Variants in AGBL3 observed in about 807,000 individuals in gnomAD.
AGBL3 encodes cytosolic carboxypeptidase 3.
AGBL3 carries 68 observed loss-of-function variants against 94.5 expected under a neutral mutation model. The observed-to-expected ratio is 0.72, with a 90% confidence interval of 0.59 to 0.88. The LOEUF (loss-of-function observed/expected upper bound fraction) is 0.88. Ranked by LOEUF, AGBL3 falls within the 40% of genes least tolerant of loss-of-function variation. The probability of loss-of-function intolerance (pLI) is 0.00; values close to 1 mark genes in which losing one functional copy is unlikely to be tolerated. For synonymous variants in AGBL3, 354 were observed against 370.7 expected (o/e 0.95, Z 0.52); for missense variants, 934 against 1,103.8 (o/e 0.85, Z 2.18).
rs151305185 is a variant in AGBL3 at position 135,117,938 on chromosome 7, C to T, written c.2342+2327C>T. ...GGAATTGGAATGAGAGATAGTGGAT[C>T]AGTCTTGCACATGAAACTGCTGTAG... On this transcript the variant is annotated intron_variant, in intron 16 of 16. Coordinates refer to ENST00000436302, the MANE Select transcript of AGBL3 (RefSeq NM_178563.4). Among the ~76,000 whole-genome samples the T allele has an allele frequency of 2.3e-3, 346 of 152,284 alleles. 1 individual carries two copies. The highest frequency in any genetic ancestry group is 7.6e-3 in the African/African-American group (317 of 41,562).
Position 135,032,859 on chromosome 7 carries a change from GT to G in AGBL3, c.438del (p.Phe146LeufsTer13). On this transcript the variant is annotated frameshift_variant, in exon 6 of 17. Coordinates refer to ENST00000436302, the MANE Select transcript of AGBL3 (RefSeq NM_178563.4). LOFTEE classifies it high-confidence loss of function. ...CTCTCATCAGCTTACAAAGAGCCCT[GT>G]TTTGTGTATTCCCGAGTTGGGGGTA... ...YLAEDAYKEP[C>X]FVYSRVGGNR... 1 of 1,549,204 alleles carries G rather than the reference GT, an allele frequency of 6.5e-7. No individual in the cohort carries two copies. Among genetic ancestry groups the G allele is most frequent in the East Asian group, 2.5e-5 (1 of 40,804 alleles).
intron 15 of AGBL3, 81 bp from the exon 16 acceptor site, chr7:135,115,299 T>G: frequency 2.2e-6 from 2 of 906,332 alleles, no homozygotes; most frequent in Non-Finnish European, 3.3e-6. Context: ...TTAGATAAAA[T>G]CCTTGGCATA....
At chr7:135,039,085 T>G (rs572585275) in intron 8 of AGBL3, among the ~76,000 whole-genome samples, 1 of 152,216 alleles carries the variant, frequency 6.6e-6, no homozygotes, top group Non-Finnish European at 1.5e-5. Context: ...TTGACATTTA[T>G]AGGACACTCT....
Position 134,993,501 on chromosome 7 carries a change from TTTG to T in AGBL3, c.134_136del (p.Phe45_Gly46delinsCys). ...TTGAATCTTTTTCTCAGCTGACTCT[TTTG>T]GTGATCCCTTCTTCCCCCGGACTAC... On this transcript the variant is annotated inframe_deletion, in exon 4 of 17. Transcript: ENST00000436302. 1 of 1,546,532 alleles carries T rather than the reference TTTG, an allele frequency of 6.5e-7. No homozygotes were observed. The highest frequency in any genetic ancestry group is 8.7e-7 in the Non-Finnish European group (1 of 1,144,936).
At chr7:135,062,185 A>T (rs7794271) in intron 12 of AGBL3, among the ~76,000 whole-genome samples, 73,648 of 151,540 alleles carry the variant, frequency 0.49, 18,227 homozygotes, top group South Asian at 0.66. Context: ...TTCTTTTTTG[A>T]TTTTTAGATA....
intron 15 of AGBL3, among the ~76,000 whole-genome samples, chr7:135,105,276 G>T (rs1251164611): frequency 6.6e-6 from 1 of 152,034 alleles, no homozygotes; most frequent in Non-Finnish European, 1.5e-5. Context: ...CACCATGTTG[G>T]CCAGGCTGGT....
intron 15 of AGBL3, among the ~76,000 whole-genome samples, chr7:135,106,133 G>C (rs1217562843): frequency 6.6e-6 from 1 of 152,008 alleles, no homozygotes; most frequent in Non-Finnish European, 1.5e-5. Context: ...AGGAGCTTTT[G>C]GGCCAAGACT....
intron 15 of AGBL3, among the ~76,000 whole-genome samples, chr7:135,111,570 G>A (rs561645073): frequency 3.5e-4 from 53 of 149,570 alleles, no homozygotes; most frequent in African/African-American, 8.6e-4. Flanking sequence ...TGTTGTACAC[G>A]TCTGTTTTTT....
intron 5 of AGBL3, among the ~76,000 whole-genome samples, chr7:135,026,697 C>A (rs1372451657): frequency 6.6e-6 from 1 of 151,556 alleles, no homozygotes; most frequent in Non-Finnish European, 1.5e-5. Context: ...TAGAATAACT[C>A]CCCGTTTTAT....
chr7:135,049,974 T>A (rs1255608660), intron 11 of AGBL3, among the ~76,000 whole-genome samples: 2 of 151,870 alleles, frequency 1.3e-5, no homozygotes, highest in Non-Finnish European at 2.9e-5. Context: ...TTCTATCTCC[T>A]CGAGGTATAA....
At chr7:134,989,366 A>T in intron 3 of AGBL3, 56 bp downstream of exon 3, 2 of 1,227,446 alleles carry the variant, frequency 1.6e-6, no homozygotes, top group East Asian at 5.3e-5. Flanking sequence ...TGGATAAAAA[A>T]GAAGATGAGG....
chr7:135,063,880 C>T (rs934940107), intron 12 of AGBL3, among the ~76,000 whole-genome samples: 1 of 152,178 alleles, frequency 6.6e-6, no homozygotes, highest in Non-Finnish European at 1.5e-5. Flanking sequence ...GTTCATGAAT[C>T]TGAAGGTCAG....
At chr7:135,109,662 C>T (rs1825320805) in intron 15 of AGBL3, among the ~76,000 whole-genome samples, 1 of 152,114 alleles carries the variant, frequency 6.6e-6, no homozygotes, top group Admixed American at 6.5e-5. Context: ...TGACAGAAAA[C>T]ACTAGCAGGG....
chr7:134,997,267 G>A lies in AGBL3; in HGVS notation c.310+3589G>A, dbSNP rs374342026. 1.1e-3 allele frequency among the ~76,000 whole-genome samples: 160 copies of A among 152,188 alleles called. 1 individual carries two copies. In the South Asian group the frequency reaches 0.015, roughly 14 times the overall value. On this transcript the variant is annotated intron_variant, in intron 4 of 16. Coordinates refer to ENST00000436302, the MANE Select transcript of AGBL3 (RefSeq NM_178563.4). ...AAAGCTCAGGTGGTAATGGTCGTTC[G>A]CCCACTGCTCACCTGCTGCTGTGTG...
intron 3 of AGBL3, among the ~76,000 whole-genome samples, chr7:134,991,201 T>TCGG (rs1489064986): frequency 1.2e-5 from 1 of 80,428 alleles, no homozygotes; most frequent in African/African-American, 4.4e-5. Context: ...TGTGTGTGGG[T>TCGG]GGGGGGGGGG....
chr7:135,008,257 G>C (rs1467585064), intron 4 of AGBL3, among the ~76,000 whole-genome samples: 1 of 152,060 alleles, frequency 6.6e-6, no homozygotes, highest in East Asian at 1.9e-4. Flanking sequence ...TAGTAATTTA[G>C]ACAGTGTGGT....
chr7:135,091,948 G>A (rs1366829087), intron 15 of AGBL3, among the ~76,000 whole-genome samples: 4 of 152,118 alleles, frequency 2.6e-5, no homozygotes, highest in African/African-American at 9.7e-5. Context: ...TAATCCACCT[G>A]GAAATCTGCA....
chr7:135,058,463 G>A (rs74658468), intron 11 of AGBL3, among the ~76,000 whole-genome samples: 4,047 of 152,026 alleles, frequency 0.027, 71 homozygotes, highest in Non-Finnish European at 0.038. Flanking sequence ...TGGATATAGT[G>A]ATATAAAAAT....
At position 135,076,446 on chromosome 7, in the gene AGBL3, A is replaced by T. The variant is rs764501002; in HGVS notation, c.1958A>T (p.His653Leu). 5.5e-5 allele frequency: 85 copies of T among 1,549,376 alleles called. No homozygotes were observed. The highest frequency in any genetic ancestry group is 7.9e-5 in the Admixed American group (4 of 50,880). The change falls in exon 13 of 17, where the codon CAC becomes CTC. Residue 653 changes from histidine to leucine, a missense_variant. Physicochemically the swap from His to Leu is moderately conservative, Grantham distance 99. Transcript: ENST00000436302. ...KKERNSTIAS[H>L]QNARGQEVYD... is the part of the protein sequence containing the mutation. ...GAAAGGAATTCTACCATAGCAAGCC[A>T]CCAAAATGCCAGAGGACAAGAGGTA...
Sources: allele counts gnomAD v4.1 joint callset (sites outside exome capture counted in the v4.1 genomes callset), GRCh38; gene constraint gnomAD v4.1.1; transcripts MANE v1.5; gene names NCBI Gene and HGNC (gene_info 2026-07-23, HGNC 2026-07-21).